Variants in SPSB1 observed in about 807,000 individuals in gnomAD.
SPSB1 encodes the protein splA/ryanodine receptor domain and SOCS box containing 1.
In SPSB1, 8 loss-of-function variants were observed where a neutral mutation model predicts 21.2. That is an observed-to-expected ratio of 0.38 (90% CI 0.22 to 0.68). The LOEUF is 0.68. Ranked by LOEUF, SPSB1 falls within the 30% of genes least tolerant of loss-of-function variation. The pLI, the probability that SPSB1 is intolerant of heterozygous loss-of-function variation, is 0.53. For missense variants in SPSB1, 242 were observed against 377.8 expected, an observed-to-expected ratio of 0.64 and a Z score of 2.98; for synonymous variants, 169 against 161.7, an observed-to-expected ratio of 1.05 and a Z score of -0.34.
At chr1:9,332,317 G>A (rs373725193) in intron 1 of SPSB1, among the ~76,000 whole-genome samples, 15 of 152,310 alleles carry the variant, frequency 9.8e-5, no homozygotes, top group African/African-American at 3.6e-4. Flanking sequence ...GTGAAGGTGG[G>A]ATTCAGCAAC....
At chr1:9,311,029 C>G (rs184219471) in intron 1 of SPSB1, among the ~76,000 whole-genome samples, 29 of 152,168 alleles carry the variant, frequency 1.9e-4, no homozygotes, top group African/African-American at 6.0e-4. Flanking sequence ...TGTATCCTAT[C>G]GGGCCAATTT....
In SPSB1 at chr1:9,356,239, G is replaced by A; in HGVS notation, c.348G>A (p.Gly116=). 6.2e-7 allele frequency: 1 copy of A among 1,606,172 alleles called. No homozygotes were observed. The highest frequency in any genetic ancestry group is 8.5e-7 in the Non-Finnish European group (1 of 1,175,230). ...MRQRGTHAVV[G]VATADAPLHS... Reference sequence around the variant, plus strand: ...AGCGGGGCACACACGCCGTGGTGGGGGTGGCGACGGCAGACGCCCCCCTGC... The same window carrying A: ...AGCGGGGCACACACGCCGTGGTGGGAGTGGCGACGGCAGACGCCCCCCTGC... Residue 116 remains glycine, a synonymous_variant, in exon 2 of 3, where the codon GGG becomes GGA. Transcript: ENST00000328089. The surrounding 1 kb of genome is among the most constrained non-coding windows in gnomAD (Gnocchi z 7.4).
At chr1:9,306,940 T>C (rs550914241) in intron 1 of SPSB1, among the ~76,000 whole-genome samples, 5,012 of 151,354 alleles carry the variant, frequency 0.033, 280 homozygotes, top group African/African-American at 0.11. Context: ...CTTTTTTTTT[T>C]TTTTTTAAGT....
At chr1:9,306,939 T>C (rs1369405606) in intron 1 of SPSB1, among the ~76,000 whole-genome samples, 1 of 148,236 alleles carries the variant, frequency 6.7e-6, no homozygotes, top group African/African-American at 2.6e-5. Flanking sequence ...TCTTTTTTTT[T>C]TTTTTTTAAG....
intron 2 of SPSB1, among the ~76,000 whole-genome samples, chr1:9,359,822 T>C (rs1025265425): frequency 1.5e-3 from 74 of 47,798 alleles, no homozygotes; most frequent in African/African-American, 5.8e-3. Context: ...TGAGAGGTGA[T>C]GGGAGCTTGG....
At chr1:9,332,573 T>C (rs1639939224) in intron 1 of SPSB1, among the ~76,000 whole-genome samples, 1 of 152,084 alleles carries the variant, frequency 6.6e-6, no homozygotes, top group Non-Finnish European at 1.5e-5. Flanking sequence ...CCTGGAGCCA[T>C]GAGAGCAAAG....
At chr1:9,299,963 C>CAAAAA (rs549304734) in intron 1 of SPSB1, among the ~76,000 whole-genome samples, 1 of 88,328 alleles carries the variant, frequency 1.1e-5, no homozygotes, top group Non-Finnish European at 2.4e-5. Context: ...GACCCTGTCT[C>CAAAAA]AAAAAAAAAA....
In SPSB1 at chr1:9,356,167, G is replaced by T. The variant is rs745407605; in HGVS notation, c.276G>T (p.Gly92=). 3.2e-6 allele frequency: 5 copies of T among 1,585,622 alleles called. No individual in the cohort carries two copies. The highest frequency in any genetic ancestry group is 2.3e-5 in the South Asian group (2 of 86,212). ...QSTDAIRGKV[G]YTRGLHVWQI... ...CGGACGCTATCAGGGGCAAAGTCGG[G>T]TATACCCGTGGGCTGCACGTGTGGC... The change falls in exon 2 of 3, where the codon GGG becomes GGT. Residue 92 remains glycine, a synonymous_variant. Coordinates refer to ENST00000328089, the MANE Select transcript of SPSB1 (RefSeq NM_025106.4). The surrounding 1 kb of genome is among the most constrained non-coding windows in gnomAD (Gnocchi z 7.4).
intron 1 of SPSB1, among the ~76,000 whole-genome samples, chr1:9,352,743 T>TC (rs936148484): frequency 6.6e-6 from 1 of 150,782 alleles, no homozygotes; most frequent in Non-Finnish European, 1.5e-5. Flanking sequence ...CCTCGCCTCT[T>TC]CCCCCCTCAA....
chr1:9,333,103 C>T lies in SPSB1; in HGVS notation c.-149-22640C>T, dbSNP rs531428954. The stretch of plus-strand genomic sequence containing the variant: ...CAAGAATCAGCCTCCCAGGTGCACA[C>T]TCCATGGGAAAATGGCCAGAAACAT... On this transcript the variant is annotated intron_variant, in intron 1 of 2. Coordinates refer to ENST00000328089, the MANE Select transcript of SPSB1 (RefSeq NM_025106.4). Among the ~76,000 whole-genome samples the T allele has an allele frequency of 2.6e-5, 4 of 152,330 alleles. No homozygotes were observed. The East Asian group carries it at 7.7e-4, about 29-fold the overall frequency.
intron 1 of SPSB1, among the ~76,000 whole-genome samples, chr1:9,343,852 C>A (rs11121378): frequency 0.23 from 34,389 of 152,028 alleles, 4,389 homozygotes; most frequent in South Asian, 0.35. Flanking sequence ...GTGGCGCGAT[C>A]TCGGCTCACT....
chr1:9,295,038 G>T (rs1486292933), intron 1 of SPSB1, among the ~76,000 whole-genome samples: 1 of 152,178 alleles, frequency 6.6e-6, no homozygotes, highest in African/African-American at 2.4e-5. Flanking sequence ...TGAAACTGTT[G>T]CTCTTGGTTA....
At chr1:9,364,760 G>T (rs182247571) in intron 2 of SPSB1, among the ~76,000 whole-genome samples, 1 of 152,332 alleles carries the variant, frequency 6.6e-6, no homozygotes, top group Non-Finnish European at 1.5e-5. Flanking sequence ...CGTCCATGGG[G>T]GATGAAGAGC....
chr1:9,339,115 C>A, intron 1 of SPSB1: 1 of 664,192 alleles, frequency 1.5e-6, no homozygotes, highest in African/African-American at 2.0e-5. Flanking sequence ...CCAGGCAAGG[C>A]AGGCCTGGGG....
Position 9,356,734 on chromosome 1 carries a change from T to A in SPSB1, c.694+149T>A. The stretch of plus-strand genomic sequence containing the variant: ...CAGACCCTCAGAGGCAACTTTTGCA[T>A]CGGGTTAAGTGAGGAATTCTACCCA... On this transcript the variant is annotated intron_variant, in intron 2 of 2. Coordinates refer to ENST00000328089, the MANE Select transcript of SPSB1 (RefSeq NM_025106.4). The surrounding 1 kb of genome is among the most constrained non-coding windows in gnomAD (Gnocchi z 7.4). 1.5e-6 allele frequency: 2 copies of A among 1,317,164 alleles called. No individual in the cohort carries two copies. Among genetic ancestry groups the A allele is most frequent in the Non-Finnish European group, 2.0e-6 (2 of 1,000,248 alleles). The allele number at this position is 1,317,164 out of a possible 1,614,324, so 81.6% of individuals were successfully genotyped here.
At chr1:9,360,106 A>G (rs969723734) in intron 2 of SPSB1, among the ~76,000 whole-genome samples, 1 of 152,234 alleles carries the variant, frequency 6.6e-6, no homozygotes, top group East Asian at 1.9e-4. Context: ...TTGTCTGCAC[A>G]TAGGCGACTT....
chr1:9,298,841 A>G (rs1639269173), intron 1 of SPSB1, among the ~76,000 whole-genome samples: 1 of 152,222 alleles, frequency 6.6e-6, no homozygotes, highest in African/African-American at 2.4e-5. Context: ...GGCAGAATCC[A>G]CACACTGGTT....
intron 2 of SPSB1, among the ~76,000 whole-genome samples, chr1:9,360,093 G>C (rs1640445171): frequency 6.6e-6 from 1 of 152,176 alleles, no homozygotes. Context: ...GTCAGTGGGG[G>C]AGTTGTCTGC....
At position 9,319,764 on chromosome 1, in the gene SPSB1, G is replaced by C. The variant is rs142914039; in HGVS notation, c.-150+26693G>C. 7.9e-4 allele frequency among the ~76,000 whole-genome samples: 121 copies of C among 152,290 alleles called. No individual in the cohort carries two copies. In the Middle Eastern group the frequency reaches 0.01, roughly 13 times the overall value. On this transcript the variant is annotated intron_variant, in intron 1 of 2. Transcript: ENST00000328089. ...GAAGGGAGGGTACTACAGGGAAGTC[G>C]GCCTGGGGTGGCGGGGTGACTGGTT...
Sources: gnomAD v4.1 joint callset for allele counts (sites outside exome capture counted in the v4.1 genomes callset) on GRCh38, gnomAD v4.1.1 for gene constraint, Gnocchi (gnomAD v3.1) non-coding constraint, MANE v1.5 for transcripts, NCBI Gene and HGNC (gene_info 2026-07-23, HGNC 2026-07-21) for gene names.